The following GPR158 variants were observed in gnomAD, a reference collection of about 807,000 sequenced individuals.
GPR158 encodes metabotropic glycine receptor.
Under a neutral mutation model 78.2 loss-of-function variants are expected in GPR158, and 30 were observed. The observed-to-expected ratio is 0.38, with a 90% CI of 0.29 to 0.52. The LOEUF is 0.52. Ranked by LOEUF, GPR158 falls within the 20% of genes least tolerant of loss-of-function variation. The pLI is 0.83. For synonymous variants in GPR158, 581 were observed against 591.1 expected (o/e 0.98, Z 0.25); for missense variants, 1,463 against 1,523.5 (o/e 0.96, Z 0.66).
At chr10:25,287,734 G>T (rs893438846) in intron 2 of GPR158, among the ~76,000 whole-genome samples, 2 of 152,170 alleles carry the variant, frequency 1.3e-5, no homozygotes, top group South Asian at 4.1e-4. Flanking sequence ...GGGGTTAGAG[G>T]TTGTTGCTCT....
intron 2 of GPR158, among the ~76,000 whole-genome samples, chr10:25,221,436 A>G (rs1853298605): frequency 6.6e-6 from 1 of 152,250 alleles, no homozygotes; most frequent in Admixed American, 6.5e-5. Context: ...GAAATTTAAA[A>G]TAGTCCTGAG....
chr10:25,454,157 T>A (rs1381189622), intron 4 of GPR158, among the ~76,000 whole-genome samples: 1 of 152,086 alleles, frequency 6.6e-6, no homozygotes, highest in Non-Finnish European at 1.5e-5. Flanking sequence ...TAAATTTATT[T>A]CCATATTTTC....
chr10:25,430,750 A>C (rs1834891030), intron 4 of GPR158, among the ~76,000 whole-genome samples: 1 of 141,174 alleles, frequency 7.1e-6, no homozygotes, highest in Admixed American at 7.1e-5. Context: ...TGAGAAAAAC[A>C]AGCAATGGGG....
chr10:25,593,703 A>G (rs574994563), intron 8 of GPR158, among the ~76,000 whole-genome samples: 44 of 152,232 alleles, frequency 2.9e-4, no homozygotes, highest in African/African-American at 1.1e-3. Context: ...AGATTTTTAA[A>G]TACTGCATTT....
chr10:25,547,521 C>T (rs975949574), intron 5 of GPR158, among the ~76,000 whole-genome samples: 3 of 152,146 alleles, frequency 2.0e-5, no homozygotes, highest in African/African-American at 4.8e-5. Context: ...TTCCTCCTTT[C>T]GTTCTCGCTC....
At position 25,598,987 on chromosome 10, in the gene GPR158, C is replaced by G. The variant is rs147989919; in HGVS notation, c.3361C>G (p.Pro1121Ala). 1.7e-4 allele frequency: 273 copies of G among 1,614,084 alleles called. No individual in the cohort carries two copies. The African/African-American group carries it at 3.4e-3, about 20-fold the overall frequency. The change falls in exon 11 of 11, where the codon CCC becomes GCC. Residue 1121 changes from proline to alanine, a missense_variant. Transcript: ENST00000376351. Reference sequence around the variant, plus strand: ...GTGTGCTGGGCAGAGCGAAGAACTGCCCCCCAAAGCTGTAGCATCAAAAAC... The same window carrying G: ...GTGTGCTGGGCAGAGCGAAGAACTGGCCCCCAAAGCTGTAGCATCAAAAAC... ...NVCAGQSEEL[P>A]PKAVASKTEN...
At chr10:25,268,204 C>G (rs1458816972) in intron 2 of GPR158, among the ~76,000 whole-genome samples, 1 of 152,066 alleles carries the variant, frequency 6.6e-6, no homozygotes. Context: ...TTAAAGAATA[C>G]TCGTTATCCT....
Position 25,599,255 on chromosome 10 carries a change from G to A in GPR158, c.3629G>A (p.Trp1210Ter), listed in dbSNP as rs755525261. The A allele has an allele frequency of 6.2e-7, 1 of 1,610,994 alleles. No homozygotes were observed. Among genetic ancestry groups the A allele is most frequent in the Middle Eastern group, 1.7e-4 (1 of 6,048 alleles). The change falls in exon 11 of 11, where the codon TGG becomes TAG. Residue 1210 changes from tryptophan (W) to a stop codon, truncating the protein, a stop_gained. Transcript: ENST00000376351. LOFTEE classifies it high-confidence loss of function. ...GCAGGGCCTAGGAAAGAAGAGATCT[G>A]GGATAGTTTTAAAGTGTAGCATCTC... Reference protein sequence around the residue: ...KIAGPRKEEIWDSFKV With the variant: ...KIAGPRKEEI
At chr10:25,576,970 C>A (rs994579496) in intron 7 of GPR158, among the ~76,000 whole-genome samples, 459 of 113,308 alleles carry the variant, frequency 4.1e-3, no homozygotes, top group Middle Eastern at 6.0e-3. Context: ...ACAGTGTTCT[C>A]AAAAAAAAAA....
intron 2 of GPR158, among the ~76,000 whole-genome samples, chr10:25,382,919 T>C (rs1187953269): frequency 5.3e-5 from 8 of 152,046 alleles, no homozygotes; most frequent in Admixed American, 4.6e-4. Context: ...GCAACCTCCT[T>C]CCTTCTCCCA....
At chr10:25,586,306 G>A (rs1449918866) in intron 7 of GPR158, among the ~76,000 whole-genome samples, 2 of 151,830 alleles carry the variant, frequency 1.3e-5, no homozygotes, top group Admixed American at 1.3e-4. Context: ...TGAAGGCTGT[G>A]CAGTAAGATA....
chr10:25,291,689 T>G (rs2130765059), intron 2 of GPR158, among the ~76,000 whole-genome samples: 1 of 152,052 alleles, frequency 6.6e-6, no homozygotes, highest in Non-Finnish European at 1.5e-5. Context: ...AGAAAAAACA[T>G]ATTTGCAATT....
At chr10:25,368,436 A>G (rs1291640669) in intron 2 of GPR158, among the ~76,000 whole-genome samples, 2 of 151,906 alleles carry the variant, frequency 1.3e-5, no homozygotes, top group African/African-American at 4.8e-5. Context: ...ACATGAATAA[A>G]CACTTTTCAA....
intron 2 of GPR158, among the ~76,000 whole-genome samples, chr10:25,225,201 A>G (rs943665096): frequency 2.7e-5 from 3 of 111,412 alleles, no homozygotes; most frequent in African/African-American, 5.1e-5. Flanking sequence ...TTTTTTTTGT[A>G]TAAAGCAATG....
intron 5 of GPR158, among the ~76,000 whole-genome samples, chr10:25,533,272 C>A (rs1013938620): frequency 2.6e-5 from 4 of 152,190 alleles, no homozygotes; most frequent in Non-Finnish European, 4.4e-5. Flanking sequence ...GGGCTGTGGA[C>A]TAGTATTAGC....
chr10:25,298,947 C>A (rs1854553763), intron 2 of GPR158, among the ~76,000 whole-genome samples: 1 of 152,126 alleles, frequency 6.6e-6, no homozygotes, highest in South Asian at 2.1e-4. Context: ...TACTTAATTT[C>A]TTTACCTGAA....
chr10:25,241,315 T>TCTTCA, intron 2 of GPR158, among the ~76,000 whole-genome samples: 1 of 135,564 alleles, frequency 7.4e-6, no homozygotes, highest in African/African-American at 3.3e-5. Context: ...TTTTCTTTTC[T>TCTTCA]CTTCTCTTCT....
chr10:25,374,044 G>T (rs139863675), intron 2 of GPR158, among the ~76,000 whole-genome samples: 1 of 151,488 alleles, frequency 6.6e-6, no homozygotes, highest in East Asian at 2.0e-4. Flanking sequence ...TATAATTGTG[G>T]ATTGGTTCAC....
intron 2 of GPR158, chr10:25,244,106 C>T (rs1348899774): frequency 6.6e-6 from 1 of 152,088 alleles, no homozygotes; most frequent in South Asian, 2.1e-4. Flanking sequence ...TTTCTATACA[C>T]ATGTTTATAG....
Sources: allele counts gnomAD v4.1 joint callset (sites outside exome capture counted in the v4.1 genomes callset), GRCh38; gene constraint gnomAD v4.1.1; transcripts MANE v1.5; gene names NCBI Gene and HGNC (gene_info 2026-07-23, HGNC 2026-07-21).